EVL: variants seen among roughly 807,000 people sequenced by gnomAD.
EVL encodes the protein Enah/Vasp-like, also known as ena/VASP-like protein.
EVL carries 21 observed loss-of-function variants against 59.6 expected under a neutral mutation model. The ratio of observed to expected loss-of-function variants is 0.35; its 90% CI spans 0.25 to 0.51. The LOEUF is 0.51. EVL is among the 20% of genes least tolerant of loss of function. EVL has a pLI of 0.97. For synonymous variants in EVL, 198 were observed against 203.5 expected (o/e 0.97, Z 0.23); for missense variants, 462 against 546.6 (o/e 0.85, Z 1.54).
At chr14:100,081,795 G>A (rs55984801) in intron 1 of EVL, among the ~76,000 whole-genome samples, 7,722 of 152,170 alleles carry the variant, frequency 0.051, 584 homozygotes, top group African/African-American at 0.16. Flanking sequence ...CCCACACAGC[G>A]TTTGCTTCAG....
chr14:100,002,322 G>A (rs2060950799), intron 1 of EVL, among the ~76,000 whole-genome samples: 1 of 152,034 alleles, frequency 6.6e-6, no homozygotes, highest in African/African-American at 2.4e-5. Context: ...CTTCTAAAGA[G>A]GACCAAAAGG....
intron 1 of EVL, among the ~76,000 whole-genome samples, chr14:100,022,087 T>C (rs2061134765): frequency 6.6e-6 from 1 of 151,978 alleles, no homozygotes; most frequent in African/African-American, 2.4e-5. Flanking sequence ...CATAACACTG[T>C]TAGAATTAAA....
At chr14:99,990,367 C>T (rs1194989785) in intron 1 of EVL, among the ~76,000 whole-genome samples, 1 of 152,034 alleles carries the variant, frequency 6.6e-6, no homozygotes, top group Non-Finnish European at 1.5e-5. Context: ...ACATTAAACC[C>T]ACTGTCTTAA....
intron 3 of EVL, among the ~76,000 whole-genome samples, chr14:100,100,343 G>A (rs1886128534): frequency 6.6e-6 from 1 of 152,132 alleles, no homozygotes; most frequent in South Asian, 2.1e-4. Flanking sequence ...GGTTCAGCTG[G>A]TAGTGACCTC....
chr14:100,026,588 G>A (rs1006143865), intron 1 of EVL, among the ~76,000 whole-genome samples: 9 of 152,028 alleles, frequency 5.9e-5, no homozygotes, highest in Admixed American at 5.9e-4. Flanking sequence ...GAGGGCTTGG[G>A]GTAGAATGAC....
intron 1 of EVL, among the ~76,000 whole-genome samples, chr14:100,023,800 C>T (rs186811609): frequency 4.6e-5 from 7 of 152,268 alleles, no homozygotes; most frequent in Admixed American, 4.6e-4. Flanking sequence ...AGACATCCTT[C>T]TACTGAACTG....
chr14:99,986,059 A>G (rs2060838087), intron 1 of EVL, among the ~76,000 whole-genome samples: 1 of 152,194 alleles, frequency 6.6e-6, no homozygotes, highest in African/African-American at 2.4e-5. Context: ...TGGGAGGCCA[A>G]GGCGAGCGGA....
intron 9 of EVL, 102 bp from the exon 10 acceptor site, chr14:100,137,476 C>G: frequency 5.4e-6 from 7 of 1,292,786 alleles, no homozygotes; most frequent in African/African-American, 1.4e-5. Context: ...GCTCTGCACC[C>G]TTGGCATGGG....
intron 3 of EVL, among the ~76,000 whole-genome samples, chr14:100,115,411 C>G (rs1887275431): frequency 1.3e-5 from 2 of 152,228 alleles, no homozygotes; most frequent in Non-Finnish European, 2.9e-5. Context: ...CCCCTGCTGT[C>G]CTTTGTCAGA....
At chr14:99,994,392 A>G (rs772198953) in intron 1 of EVL, among the ~76,000 whole-genome samples, 6 of 150,194 alleles carry the variant, frequency 4.0e-5, no homozygotes, top group Non-Finnish European at 7.4e-5. Context: ...TTTTTTTTGT[A>G]GTGACATATT....
intron 1 of EVL, among the ~76,000 whole-genome samples, chr14:100,060,391 A>G (rs2061805443): frequency 6.7e-6 from 1 of 150,170 alleles, no homozygotes; most frequent in Non-Finnish European, 1.5e-5. Context: ...AGATCGCGCC[A>G]CTGCACTCCA....
At chr14:100,071,764 T>C (rs1036823783) in intron 1 of EVL, among the ~76,000 whole-genome samples, 1 of 152,072 alleles carries the variant, frequency 6.6e-6, no homozygotes, top group Non-Finnish European at 1.5e-5. Context: ...GAGGAGGGGC[T>C]CTGGGTCTGG....
At chr14:99,973,963 A>G (rs1368598804) in intron 1 of EVL, among the ~76,000 whole-genome samples, 1 of 152,208 alleles carries the variant, frequency 6.6e-6, no homozygotes, top group Non-Finnish European at 1.5e-5. Context: ...GTCATCTTCC[A>G]GTCTTCGCTT....
chr14:100,002,544 C>G (rs1304893883), intron 1 of EVL, among the ~76,000 whole-genome samples: 1 of 152,032 alleles, frequency 6.6e-6, no homozygotes, highest in Non-Finnish European at 1.5e-5. Context: ...AAATACAGCC[C>G]AAAGAAAGCC....
At chr14:100,107,237 T>A (rs2140337389) in intron 3 of EVL, 1 of 398,644 alleles carries the variant, frequency 2.5e-6, no homozygotes, top group East Asian at 3.6e-5. Flanking sequence ...CTCCCATTAC[T>A]CCAGGAGAGC....
chr14:99,994,692 T>A (rs1004609323), intron 1 of EVL, among the ~76,000 whole-genome samples: 1 of 152,212 alleles, frequency 6.6e-6, no homozygotes, highest in Non-Finnish European at 1.5e-5. Context: ...CTCACCTACA[T>A]TACAATACTA....
upstream of EVL, among the ~76,000 whole-genome samples, chr14:100,061,572 TACACGCAC>T (rs1030132645): frequency 1.3e-5 from 2 of 150,298 alleles, no homozygotes; most frequent in Non-Finnish European, 3.0e-5. Context: ...ATTTCTTCAA[TACACGCAC>T]ACACGCACAT....
At chr14:99,981,805 G>A (rs2060808409) in intron 1 of EVL, among the ~76,000 whole-genome samples, 1 of 152,204 alleles carries the variant, frequency 6.6e-6, no homozygotes, top group Non-Finnish European at 1.5e-5. Context: ...TGGAAAAAAT[G>A]ATGTCAATAG....
rs1233317649 is a variant in EVL, at chr14:100,143,962, T to C, written c.*224T>C. ...ACACGGAACACCAGGTCTGCTCGTC[T>C]TTTTTGTGTTTTATATTTGCTTATT... is the stretch of plus-strand genomic sequence containing the variant. On this transcript the variant is annotated 3_prime_UTR_variant, in exon 14 of 14. Coordinates refer to ENST00000392920, the MANE Select transcript of EVL (RefSeq NM_016337.3). 2 of 547,244 alleles carry C rather than the reference T, an allele frequency of 3.7e-6. No homozygotes were observed. The highest frequency in any genetic ancestry group is 5.3e-5 in the South Asian group (2 of 37,552). 33.9% of individuals were successfully genotyped at this position (547,244 alleles called of 1,614,324 possible).
Sources: gnomAD v4.1 joint callset for allele counts (sites outside exome capture counted in the v4.1 genomes callset) on GRCh38, gnomAD v4.1.1 for gene constraint, MANE v1.5 for transcripts, NCBI Gene and HGNC (gene_info 2026-07-23, HGNC 2026-07-21) for gene names.